The following MRPL48 variants were observed in gnomAD, a reference collection of about 807,000 sequenced individuals.
The protein encoded by MRPL48 is mitochondrial ribosomal protein L48, also known as large ribosomal subunit protein mL48.
In MRPL48, 16 loss-of-function variants were observed where a neutral mutation model predicts 32.9. The observed-to-expected ratio is 0.49, with a 90% confidence interval of 0.33 to 0.74. The LOEUF (loss-of-function observed/expected upper bound fraction) is 0.74, where lower values mean the gene tolerates loss of function less well. MRPL48 is among the 30% of genes least tolerant of loss of function. The pLI is 0.02. For synonymous variants in MRPL48, 94 were observed against 89.2 expected (o/e 1.05, Z -0.31); for missense variants, 206 against 245.3 (o/e 0.84, Z 1.07).
chr11:73,840,404 C>T (rs540855068), intron 4 of MRPL48, among the ~76,000 whole-genome samples: 82 of 152,174 alleles, frequency 5.4e-4, no homozygotes, highest in African/African-American at 1.7e-3. Flanking sequence ...TGAGGTGTGA[C>T]GATCACTTGA....
At chr11:73,804,990 T>A (rs1157519486) in intron 1 of MRPL48, 37 bp from the exon 2 acceptor site, 1 of 1,564,756 alleles carries the variant, frequency 6.4e-7, no homozygotes, top group Middle Eastern at 1.7e-4. Context: ...GGTCTATAAA[T>A]GCTTAAGATT....
chr11:73,799,136 C>T lies in MRPL48; in HGVS notation c.22-5891C>T, dbSNP rs191748872. 3.8e-3 allele frequency among the ~76,000 whole-genome samples: 580 copies of T among 152,130 alleles called. 1 individual carries two copies. Among genetic ancestry groups the T allele is most frequent in the Non-Finnish European group, 5.3e-3 (361 of 68,004 alleles). ...CCAGGATGCCTAAGATGAGAGTAAA[C>T]TCCTTGTAAGCTTTGGAATGTAGAG... On this transcript the variant is annotated intron_variant, in intron 1 of 7. Coordinates refer to ENST00000310614, the MANE Select transcript of MRPL48 (RefSeq NM_016055.6).
In MRPL48 at chr11:73,864,232, T is replaced by G. The variant is rs1948630451; in HGVS notation, c.565-64T>G. Reference sequence around the variant, plus strand: ...GTTCAAGGGCCCTTTTTGGATGCTGTGCATATCTGGGTAACTAAAAGCTCT... The same window carrying G: ...GTTCAAGGGCCCTTTTTGGATGCTGGGCATATCTGGGTAACTAAAAGCTCT... On this transcript the variant is annotated intron_variant, in intron 7 of 7. Transcript: ENST00000310614. The G allele has an allele frequency of 6.8e-6, 10 of 1,478,688 alleles. No homozygotes were observed. In the South Asian group the frequency reaches 1.2e-4, roughly 18 times the overall value. The allele number at this position is 1,478,688 out of a possible 1,614,324, so 91.6% of individuals were successfully genotyped here.
chr11:73,828,335 C>G (rs1947937580), intron 4 of MRPL48, among the ~76,000 whole-genome samples: 1 of 151,942 alleles, frequency 6.6e-6, no homozygotes, highest in South Asian at 2.1e-4. Flanking sequence ...AGAGAGCCTC[C>G]CATCTCAGCC....
intron 3 of MRPL48, 141 bp downstream of exon 3, chr11:73,808,491 AATAGAACCAT>A: frequency 2.5e-6 from 2 of 787,850 alleles, no homozygotes; most frequent in Non-Finnish European, 4.1e-6. Context: ...GTGAGCATGG[AATAGAACCAT>A]GGGTGAGAAC....
chr11:73,859,804 G>A (rs1482908681), intron 5 of MRPL48, 103 bp from the exon 6 acceptor site: 4 of 900,026 alleles, frequency 4.4e-6, no homozygotes, highest in Non-Finnish European at 6.8e-6. Flanking sequence ...CTACATTCCG[G>A]GAACTATTGC....
At chr11:73,799,683 TTCA>T (rs1947321947) in intron 1 of MRPL48, among the ~76,000 whole-genome samples, 1 of 152,264 alleles carries the variant, frequency 6.6e-6, no homozygotes, top group African/African-American at 2.4e-5. Flanking sequence ...GGGTACAATG[TTCA>T]TCATTTGAGT....
At chr11:73,804,192 A>G (rs1289035298) in intron 1 of MRPL48, among the ~76,000 whole-genome samples, 1 of 152,140 alleles carries the variant, frequency 6.6e-6, no homozygotes, top group Non-Finnish European at 1.5e-5. Context: ...TGCTGGGATT[A>G]TAGGCATGAG....
At chr11:73,863,920 C>T (rs1034255210) in intron 7 of MRPL48, among the ~76,000 whole-genome samples, 1 of 152,146 alleles carries the variant, frequency 6.6e-6, no homozygotes, top group Non-Finnish European at 1.5e-5. Flanking sequence ...GGGACAGAGA[C>T]AGCATGTGCT....
At chr11:73,846,454 C>T (rs1948288922) in intron 5 of MRPL48, among the ~76,000 whole-genome samples, 1 of 151,998 alleles carries the variant, frequency 6.6e-6, no homozygotes, top group Non-Finnish European at 1.5e-5. Context: ...ACTCCTGCCT[C>T]AAGTGATTCT....
chr11:73,838,383 G>A (rs1948138602), intron 4 of MRPL48, among the ~76,000 whole-genome samples: 1 of 152,170 alleles, frequency 6.6e-6, no homozygotes, highest in Non-Finnish European at 1.5e-5. Context: ...ATTGGTTCAG[G>A]TAGATCTAGG....
chr11:73,820,753 C>T (rs971980901), intron 3 of MRPL48, among the ~76,000 whole-genome samples: 1 of 131,516 alleles, frequency 7.6e-6, no homozygotes, highest in Non-Finnish European at 1.6e-5. Context: ...TATATATATA[C>T]AAGGAACAGA....
At chr11:73,824,752 C>G (rs1189776982) in intron 3 of MRPL48, among the ~76,000 whole-genome samples, 1 of 151,908 alleles carries the variant, frequency 6.6e-6, no homozygotes, top group Non-Finnish European at 1.5e-5. Flanking sequence ...AGGATTATTG[C>G]CTGTTGAGGA....
chr11:73,788,108 C>T lies in MRPL48; in HGVS notation c.21+116C>T, dbSNP rs1351347290. On this transcript the variant is annotated intron_variant, in intron 1 of 7. Transcript: ENST00000310614. ...GGCGCGCGGACATCCGGGGATGAGA[C>T]ACTGGGGCGCCCAAGGTCCTTCCCA... 2.1e-6 allele frequency: 3 copies of T among 1,431,020 alleles called. No individual in the cohort carries two copies. In the African/African-American group the frequency reaches 4.4e-5, roughly 21 times the overall value. The allele number at this position is 1,431,020 out of a possible 1,614,324, so 88.6% of individuals were successfully genotyped here.
At chr11:73,799,715 C>T (rs890301573) in intron 1 of MRPL48, among the ~76,000 whole-genome samples, 2 of 152,026 alleles carry the variant, frequency 1.3e-5, no homozygotes, top group Non-Finnish European at 2.9e-5. Context: ...CGCTAAAAAC[C>T]CAGATTTCAC....
At chr11:73,809,887 A>T (rs1159238280) in intron 3 of MRPL48, among the ~76,000 whole-genome samples, 1 of 152,234 alleles carries the variant, frequency 6.6e-6, no homozygotes, top group Admixed American at 6.5e-5. Context: ...TATGTTAATT[A>T]TTTTAGAAGA....
chr11:73,861,174 T>C (rs1032169259), intron 6 of MRPL48, among the ~76,000 whole-genome samples: 1 of 152,178 alleles, frequency 6.6e-6, no homozygotes, highest in Non-Finnish European at 1.5e-5. Flanking sequence ...CTAAGTACAA[T>C]CTTTGGCTTT....
At chr11:73,816,864 C>T (rs1241553193) in intron 3 of MRPL48, among the ~76,000 whole-genome samples, 4 of 149,362 alleles carry the variant, frequency 2.7e-5, no homozygotes, top group East Asian at 2.0e-4. Flanking sequence ...CTCACTCTGT[C>T]GCCCACACTG....
chr11:73,793,906 A>G (rs1947197862), intron 1 of MRPL48, among the ~76,000 whole-genome samples: 2 of 132,448 alleles, frequency 1.5e-5, no homozygotes, highest in South Asian at 2.4e-4. Flanking sequence ...GGGTCTCGCT[A>G]TATTGCCCAG....
Sources: allele counts gnomAD v4.1 joint callset (sites outside exome capture counted in the v4.1 genomes callset), GRCh38; gene constraint gnomAD v4.1.1; transcripts MANE v1.5; gene names NCBI Gene and HGNC (gene_info 2026-07-23, HGNC 2026-07-21).